DNAAF8: variants seen among roughly 807,000 people sequenced by gnomAD.
The protein encoded by DNAAF8 is dynein axonemal assembly factor 8.
In DNAAF8, 61 loss-of-function variants were observed where a neutral mutation model predicts 54.6. That is an observed-to-expected ratio of 1.12 (90% CI 0.91 to 1.38). The LOEUF (loss-of-function observed/expected upper bound fraction) is 1.38, where lower values mean the gene tolerates loss of function less well. DNAAF8 is among the 40% of genes most tolerant of loss of function. DNAAF8 has a pLI of 0.00. For missense variants in DNAAF8, 837 were observed against 665.0 expected, an observed-to-expected ratio of 1.26 and a Z score of -2.85; for synonymous variants, 320 against 270.1, an observed-to-expected ratio of 1.18 and a Z score of -1.81.
intron 5 of DNAAF8, 104 bp downstream of exon 5, chr16:4,743,264 C>T: frequency 3.8e-6 from 3 of 779,398 alleles, no homozygotes; most frequent in South Asian, 1.8e-5. Flanking sequence ...AGTCCTGCAG[C>T]CCACACAAGT....
At chr16:4,738,621 G>A (rs1156535926) in intron 3 of DNAAF8, among the ~76,000 whole-genome samples, 1 of 152,128 alleles carries the variant, frequency 6.6e-6, no homozygotes, top group East Asian at 1.9e-4. Context: ...AGTGGCTCAC[G>A]CCTGTAATCC....
chr16:4,740,204 A>G lies in DNAAF8; in HGVS notation c.328A>G (p.Thr110Ala). Reference protein sequence around the residue: ...LATEPGCRQNTRTKDASSQEG... With the variant: ...LATEPGCRQNARTKDASSQEG... ...CACAGAACCTGGGTGCAGACAGAAC[A>G]CAAGGACAAAGGATGCATCCTCTCA... Residue 110 changes from threonine (T) to alanine (A), a missense_variant, in exon 4 of 10, where the codon ACA becomes GCA. Thr to Ala is a moderately conservative substitution (Grantham distance 58). Coordinates refer to ENST00000299320, the MANE Select transcript of DNAAF8 (RefSeq NM_139170.3). The G allele has an allele frequency of 2.5e-6, 4 of 1,614,066 alleles. No homozygotes were observed. Among genetic ancestry groups the G allele is most frequent in the Non-Finnish European group, 3.4e-6 (4 of 1,179,962 alleles).
intron 4 of DNAAF8, among the ~76,000 whole-genome samples, chr16:4,741,971 A>G: frequency 6.6e-6 from 1 of 152,230 alleles, no homozygotes; most frequent in East Asian, 1.9e-4. Context: ...GGCACCAGGT[A>G]TACACAGAAG....
At chr16:4,738,950 A>G (rs1003781591) in intron 3 of DNAAF8, among the ~76,000 whole-genome samples, 1 of 152,094 alleles carries the variant, frequency 6.6e-6, no homozygotes, top group Non-Finnish European at 1.5e-5. Flanking sequence ...CAAAATGGAG[A>G]CGGGGCCTAG....
At chr16:4,748,139 C>T (rs1377391286) in intron 9 of DNAAF8, 1 of 153,078 alleles carries the variant, frequency 6.5e-6, no homozygotes, top group African/African-American at 2.4e-5. Context: ...CCTACCCACA[C>T]AGATCTAATA....
chr16:4,740,831 A>G (rs952906669), intron 4 of DNAAF8, among the ~76,000 whole-genome samples, 172 bp downstream of exon 4: 1 of 152,138 alleles, frequency 6.6e-6, no homozygotes, highest in Non-Finnish European at 1.5e-5. Context: ...GTCCCAGCAG[A>G]GCACATCCTG....
chr16:4,747,412 G>A lies in DNAAF8; in HGVS notation c.1350G>A (p.Glu450=). ...TTCAGAAGGGGACAGCCCAGCCCGA[G>A]CTGCCTGCCAGCAAGGGGCCCGCGG... is the stretch of plus-strand genomic sequence containing the variant. ...RAFQKGTAQP[E]LPASKGPAGG... is the part of the protein sequence containing the mutation. Residue 450 remains glutamate (E), a synonymous_variant, in exon 9 of 10, where the codon GAG becomes GAA. Transcript: ENST00000299320. 6.2e-7 allele frequency: 1 copy of A among 1,612,872 alleles called. No individual in the cohort carries two copies. The highest frequency in any genetic ancestry group is 8.5e-7 in the Non-Finnish European group (1 of 1,179,856).
chr16:4,746,279 G>A, intron 6 of DNAAF8, 96 bp from the exon 7 acceptor site: 3 of 1,346,658 alleles, frequency 2.2e-6, no homozygotes, highest in Non-Finnish European at 3.1e-6. Flanking sequence ...CACTCACTGG[G>A]TGGCAGCCAC....
At position 4,746,455 on chromosome 16, in the gene DNAAF8, C is replaced by T. The variant is rs746487461; in HGVS notation, c.1124C>T (p.Pro375Leu). 1.2e-6 allele frequency: 2 copies of T among 1,613,776 alleles called. No homozygotes were observed. ...AQGMRLNAES[P>L]TIFIDLRQME... is the part of the protein sequence containing the mutation. ...GGCATGAGGCTTAACGCAGAGTCCC[C>T]CACCATCTTTATTGACCTGCGGCAG... Residue 375 changes from proline (P) to leucine (L), a missense_variant, in exon 7 of 10, where the codon CCC (proline) becomes CTC (leucine). Pro to Leu is a moderately conservative substitution (Grantham distance 98). Transcript: ENST00000299320.
At chr16:4,739,273 T>TG (rs1466440059) in intron 3 of DNAAF8, among the ~76,000 whole-genome samples, 1 of 135,916 alleles carries the variant, frequency 7.4e-6, no homozygotes, top group South Asian at 2.5e-4. Flanking sequence ...TTGTTTTTTT[T>TG]TTTTTTTTTT....
chr16:4,741,273 G>C (rs1269789146), intron 4 of DNAAF8, among the ~76,000 whole-genome samples: 1 of 148,088 alleles, frequency 6.8e-6, no homozygotes, highest in Admixed American at 6.7e-5. Flanking sequence ...AACAAAGAAA[G>C]AAAGAATGTA....
rs377538294 is a variant in DNAAF8, at chr16:4,747,383, G to C, written c.1321G>C (p.Ala441Pro). 1.2e-6 allele frequency: 2 copies of C among 1,608,682 alleles called. No homozygotes were observed. The highest frequency in any genetic ancestry group is 2.2e-5 in the East Asian group (1 of 44,758). ...AAGCCAGCTTCTCCAGCAGCTCAGG[G>C]CCTTTCAGAAGGGGACAGCCCAGCC... ...GKSQLLQQLR[A>P]FQKGTAQPEL... Residue 441 changes from alanine (A) to proline (P), a missense_variant, in exon 9 of 10, where the codon GCC becomes CCC. By Grantham distance (27) the Ala-to-Pro change is conservative (BLOSUM62 -1). Coordinates refer to ENST00000299320, the MANE Select transcript of DNAAF8 (RefSeq NM_139170.3).
chr16:4,747,804 A>G (rs1196714333), intron 9 of DNAAF8, among the ~76,000 whole-genome samples, 170 bp downstream of exon 9: 6 of 152,074 alleles, frequency 3.9e-5, no homozygotes, highest in Non-Finnish European at 8.8e-5. Context: ...AGGTGCATGA[A>G]CTTAGAGGAA....
rs750619735 is a variant in DNAAF8 at position 4,740,396 on chromosome 16, C to T, written c.520C>T (p.Leu174Phe). 3 of 1,613,974 alleles carry T rather than the reference C, an allele frequency of 1.9e-6. No individual in the cohort carries two copies. Among genetic ancestry groups the T allele is most frequent in the East Asian group, 2.2e-5 (1 of 44,870 alleles). ...CTGGGACCCACAGGCCGAAGCCACT[C>T]TCTCCTGCCATGAAGGAGACCCAAA... ...PPWDPQAEAT[L>F]SCHEGDPKAE... Residue 174 changes from leucine (L) to phenylalanine (F), a missense_variant, in exon 4 of 10, where the codon CTC becomes TTC. Transcript: ENST00000299320.
intron 1 of DNAAF8, chr16:4,735,415 A>G (rs2081873545): frequency 6.6e-6 from 1 of 152,116 alleles, no homozygotes; most frequent in Non-Finnish European, 1.5e-5. Flanking sequence ...AGCAGCCCCC[A>G]ATTCACATCT....
rs375519353 is a variant in DNAAF8, at chr16:4,740,653, G to C, written c.777G>C (p.Ser259=). Residue 259 remains serine, a synonymous_variant, in exon 4 of 10, where the codon TCG becomes TCC. Transcript: ENST00000299320. ...VEPPEGPPVL[S]LQQLEAWDLD... ...CTCCGGAGGGACCACCAGTGCTCTC[G>C]CTCCAGGTAGGCGCCTCCCCGTGCC... is the stretch of plus-strand genomic sequence containing the variant. 1.3e-6 allele frequency: 2 copies of C among 1,593,358 alleles called. No individual in the cohort carries two copies. The highest frequency in any genetic ancestry group is 8.5e-7 in the Non-Finnish European group (1 of 1,172,832).
chr16:4,742,352 C>G (rs924824697), intron 4 of DNAAF8, among the ~76,000 whole-genome samples: 4 of 152,144 alleles, frequency 2.6e-5, no homozygotes, highest in Admixed American at 6.5e-5. Context: ...GTCAGGCATT[C>G]AAGACCAGCC....
intron 3 of DNAAF8, among the ~76,000 whole-genome samples, chr16:4,738,864 CA>C (rs2081925702): frequency 6.6e-6 from 1 of 151,914 alleles, no homozygotes; most frequent in Non-Finnish European, 1.5e-5. Context: ...CCAGCCTGGG[CA>C]ACAGAGTGAG....
intron 9 of DNAAF8, among the ~76,000 whole-genome samples, chr16:4,747,985 T>G (rs1205500973): frequency 6.6e-6 from 1 of 152,168 alleles, no homozygotes; most frequent in Admixed American, 6.5e-5. Flanking sequence ...CAGGCATCTA[T>G]TATTTCCATC....
Sources: gnomAD v4.1 joint callset for allele counts (sites outside exome capture counted in the v4.1 genomes callset) on GRCh38, gnomAD v4.1.1 for gene constraint, MANE v1.5 for transcripts, NCBI Gene and HGNC (gene_info 2026-07-23, HGNC 2026-07-21) for gene names.